Variants in MR1 observed in about 807,000 individuals in gnomAD.
MR1 encodes major histocompatibility complex, class I-related.
A neutral mutation model predicts 37.8 loss-of-function variants in MR1; 44 were observed. The observed-to-expected ratio is 1.16, with a 90% confidence interval of 0.91 to 1.50. The LOEUF is 1.50. MR1 is among the 40% of genes most tolerant of loss of function. The pLI is 0.00. For missense variants in MR1, 386 were observed against 419.1 expected, an observed-to-expected ratio of 0.92 and a Z score of 0.69; for synonymous variants, 153 against 155.8, an observed-to-expected ratio of 0.98 and a Z score of 0.13.
At chr1:181,052,100 C>A (rs1658353284) in intron 3 of MR1, 135 bp from the exon 4 acceptor site, 2 of 984,034 alleles carry the variant, frequency 2.0e-6, no homozygotes, top group Non-Finnish European at 2.9e-6. Flanking sequence ...TGTTGATGAA[C>A]CTGAGTTCTG....
intron 1 of MR1, among the ~76,000 whole-genome samples, chr1:181,042,406 G>A (rs903120790): frequency 1.3e-5 from 2 of 150,978 alleles, no homozygotes; most frequent in East Asian, 4.0e-4. Context: ...TCTCCATGTT[G>A]GTCAGGCTGG....
chr1:181,034,338 G>C (rs534490699), intron 1 of MR1, among the ~76,000 whole-genome samples: 1 of 152,102 alleles, frequency 6.6e-6, no homozygotes, highest in African/African-American at 2.4e-5. Flanking sequence ...TCTGAGCATG[G>C]CCTCCTTTCT....
intron 1 of MR1, among the ~76,000 whole-genome samples, chr1:181,036,754 C>T (rs1657290735): frequency 6.6e-6 from 1 of 152,150 alleles, no homozygotes; most frequent in East Asian, 1.9e-4. Flanking sequence ...AAAGAGATAT[C>T]TTCATTTTTT....
At chr1:181,049,919 A>G in intron 2 of MR1, 92 bp from the exon 3 acceptor site, 1 of 1,442,580 alleles carries the variant, frequency 6.9e-7, no homozygotes. Flanking sequence ...ATGTAGACCA[A>G]AGGATGCTTC....
At chr1:181,036,710 A>G (rs1187196220) in intron 1 of MR1, among the ~76,000 whole-genome samples, 2 of 152,216 alleles carry the variant, frequency 1.3e-5, no homozygotes, top group African/African-American at 4.8e-5. Context: ...TCCATTTACA[A>G]AAATCTTCTC....
chr1:181,037,674 A>C (rs1657344376), intron 1 of MR1, among the ~76,000 whole-genome samples: 1 of 152,236 alleles, frequency 6.6e-6, no homozygotes, highest in African/African-American at 2.4e-5. Flanking sequence ...TGATGTATGA[A>C]TTTATATTTA....
At position 181,057,304 on chromosome 1, in the gene MR1, A is replaced by G. The variant is rs1296691818; in HGVS notation, c.*2039A>G. ...TGTTTATTTTGTTTTTAGGGTTGCC[A>G]TGGGCAATTTCCGTGCCACTTTTAA... On this transcript the variant is annotated 3_prime_UTR_variant, in exon 6 of 6. Coordinates refer to ENST00000367580, the MANE Select transcript of MR1 (RefSeq NM_001385161.1). 6.6e-6 allele frequency: 1 copy of G among 152,232 alleles called. No individual in the cohort carries two copies. The highest frequency in any genetic ancestry group is 2.4e-5 in the African/African-American group (1 of 41,452). 9.4% of individuals were successfully genotyped at this position (152,232 alleles called of 1,614,324 possible).
upstream of MR1, chr1:181,033,855 T>C (rs74136524): frequency 9.8e-4 from 589 of 598,082 alleles, 3 homozygotes; most frequent in African/African-American, 0.01. Flanking sequence ...AAGGTGTTCA[T>C]GCTTTCATTT....
In MR1 at chr1:181,055,460, G is replaced by A; in HGVS notation, c.*195G>A. On this transcript the variant is annotated 3_prime_UTR_variant, in exon 6 of 6. Transcript: ENST00000367580. ...TTCTTTGGCTCCAAAAAGACTGTCAGCTTTCAGTCTCTTTTGATGGACTGT... is the reference window on the plus strand; with the variant it reads ...TTCTTTGGCTCCAAAAAGACTGTCAACTTTCAGTCTCTTTTGATGGACTGT... 3.5e-6 allele frequency: 2 copies of A among 573,718 alleles called. No homozygotes were observed. Among genetic ancestry groups the A allele is most frequent in the Non-Finnish European group, 6.2e-6 (2 of 323,900 alleles). 35.5% of individuals were successfully genotyped at this position (573,718 alleles called of 1,614,324 possible).
At chr1:181,033,834 A>T, upstream of MR1, 1 of 561,368 alleles carries the variant, frequency 1.8e-6, no homozygotes, top group South Asian at 2.6e-5. Context: ...AAGACTTAAA[A>T]GTTACCGAAG....
Position 181,034,002 on chromosome 1 carries a change from A to G in MR1, c.-6A>G. 6.2e-7 allele frequency: 1 copy of G among 1,606,410 alleles called. No individual in the cohort carries two copies. Among genetic ancestry groups the G allele is most frequent in the Non-Finnish European group, 8.5e-7 (1 of 1,177,836 alleles). ...TTGGTTAAAAGAACCCGGAAAGAGAAGGACTATGGGGGAACTGATGGCGTT... is the reference window on the plus strand; with the variant it reads ...TTGGTTAAAAGAACCCGGAAAGAGAGGGACTATGGGGGAACTGATGGCGTT... On this transcript the variant is annotated 5_prime_UTR_variant, in exon 1 of 6. Coordinates refer to ENST00000367580, the MANE Select transcript of MR1 (RefSeq NM_001385161.1).
At position 181,061,192 on chromosome 1, in the gene MR1, C is replaced by A. The variant is rs550469729; in HGVS notation, c.*5927C>A. 140 of 152,360 alleles carry A rather than the reference C, an allele frequency of 9.2e-4. No individual in the cohort carries two copies. The highest frequency in any genetic ancestry group is 3.2e-3 in the African/African-American group (135 of 41,594). The allele number at this position is 152,360 out of a possible 1,614,324, so 9.4% of individuals were successfully genotyped here. A position where few individuals can be genotyped will look rare whatever the true frequency, so the allele number is the denominator to read the frequency against. On this transcript the variant is annotated 3_prime_UTR_variant, in exon 6 of 6. Coordinates refer to ENST00000367580, the MANE Select transcript of MR1 (RefSeq NM_001385161.1). ...AATCTAGTTTGATTACATTTGTAAT[C>A]AAATGATGGCCATTTGTTCTGTTTC...
At chr1:181,047,573 TG>T (rs1355344535) in intron 1 of MR1, among the ~76,000 whole-genome samples, 43 of 151,492 alleles carry the variant, frequency 2.8e-4, no homozygotes, top group African/African-American at 1.0e-3. Context: ...CACTCCAGCC[TG>T]GGCAACAGAG....
At chr1:181,049,727 A>G (rs1350187167) in intron 2 of MR1, 5 of 508,050 alleles carry the variant, frequency 9.8e-6, no homozygotes, top group Non-Finnish European at 3.5e-6. Flanking sequence ...CCTCCACTGC[A>G]GTCAGAATAG....
At chr1:181,043,289 G>A (rs1031857403) in intron 1 of MR1, among the ~76,000 whole-genome samples, 11 of 152,226 alleles carry the variant, frequency 7.2e-5, no homozygotes, top group African/African-American at 2.7e-4. Flanking sequence ...TGGGAGGCCA[G>A]CCTCCATCCT....
At position 181,057,485 on chromosome 1, in the gene MR1, A is replaced by C. The variant is rs1658681258; in HGVS notation, c.*2220A>C. The stretch of plus-strand genomic sequence containing the variant: ...ACACAGGTGATAATGTATCTATGTA[A>C]ATGCCTTTTGATTCTGCAACTGCAG... On this transcript the variant is annotated 3_prime_UTR_variant, in exon 6 of 6. Coordinates refer to ENST00000367580, the MANE Select transcript of MR1 (RefSeq NM_001385161.1). The C allele has an allele frequency of 1.3e-5, 2 of 152,168 alleles. No individual in the cohort carries two copies. The highest frequency in any genetic ancestry group is 4.1e-4 in the South Asian group (2 of 4,826). The allele number at this position is 152,168 out of a possible 1,614,324, so 9.4% of individuals were successfully genotyped here.
At position 181,056,555 on chromosome 1, in the gene MR1, A is replaced by G. The variant is rs1042497822; in HGVS notation, c.*1290A>G. 15 of 152,058 alleles carry G rather than the reference A, an allele frequency of 9.9e-5. No individual in the cohort carries two copies. The highest frequency in any genetic ancestry group is 3.6e-4 in the African/African-American group (15 of 41,382). The allele number at this position is 152,058 out of a possible 1,614,324, so 9.4% of individuals were successfully genotyped here. ...ATAAAAGCCCATGGTGAGAATGAAC[A>G]TCCCCTTAATGTTCCTTACTATCCC... On this transcript the variant is annotated 3_prime_UTR_variant, in exon 6 of 6. Coordinates refer to ENST00000367580, the MANE Select transcript of MR1 (RefSeq NM_001385161.1).
At chr1:181,041,081 C>CAATAAATAAATAAATA (rs56248336) in intron 1 of MR1, among the ~76,000 whole-genome samples, 1 of 146,470 alleles carries the variant, frequency 6.8e-6, no homozygotes, top group Non-Finnish European at 1.5e-5. Context: ...GACTCTGTCT[C>CAATAAATAAATAAATA]AATAAATAAA....
chr1:181,045,287 C>T (rs920319326), intron 1 of MR1, among the ~76,000 whole-genome samples: 3 of 152,124 alleles, frequency 2.0e-5, no homozygotes, highest in Admixed American at 6.6e-5. Context: ...CTGCAGACAC[C>T]GGCAGGCAGA....
Sources: allele counts gnomAD v4.1 joint callset (sites outside exome capture counted in the v4.1 genomes callset), GRCh38; gene constraint gnomAD v4.1.1; transcripts MANE v1.5; gene names NCBI Gene and HGNC (gene_info 2026-07-23, HGNC 2026-07-21).